Variants in GABRB3 observed in about 807,000 individuals in gnomAD.
The protein encoded by GABRB3 is gamma-aminobutyric acid receptor subunit beta-3.
In GABRB3, 14 loss-of-function variants were observed where a neutral mutation model predicts 52.1. The observed-to-expected ratio is 0.27, with a 90% CI of 0.18 to 0.42. The LOEUF is 0.42. Among genes scored for constraint, GABRB3 ranks in the 10% least tolerant of loss-of-function variants. The pLI, the probability that GABRB3 is intolerant of heterozygous loss-of-function variation, is 1.00. For synonymous variants in GABRB3, 260 were observed against 232.3 expected (o/e 1.12, Z -1.08); for missense variants, 307 against 609.1 (o/e 0.50, Z 5.22).
At chr15:26,586,708 G>A (rs11854083) in intron 4 of GABRB3, among the ~76,000 whole-genome samples, 8,867 of 110,786 alleles carry the variant, frequency 0.08, 976 homozygotes, top group African/African-American at 0.24. Context: ...AAAAAAAAGA[G>A]AGAGAGAGAA....
At chr15:26,663,701 A>G (rs1887618239) in intron 3 of GABRB3, among the ~76,000 whole-genome samples, 2 of 152,204 alleles carry the variant, frequency 1.3e-5, no homozygotes, top group Non-Finnish European at 2.9e-5. Context: ...GACCTTTTAT[A>G]TTTAAAATAG....
intron 3 of GABRB3, among the ~76,000 whole-genome samples, chr15:26,701,829 A>G (rs1272870922): frequency 6.6e-6 from 1 of 152,226 alleles, no homozygotes; most frequent in African/African-American, 2.4e-5. Flanking sequence ...TTATTTCAAG[A>G]GTTATTTTAA....
intron 3 of GABRB3, chr15:26,656,910 G>A (rs918934736): frequency 6.6e-6 from 1 of 152,208 alleles, no homozygotes; most frequent in Admixed American, 6.5e-5. Context: ...AGGAAATGAT[G>A]TTTCAAATAG....
intron 3 of GABRB3, among the ~76,000 whole-genome samples, chr15:26,626,609 G>A (rs1892705286): frequency 6.6e-6 from 1 of 152,200 alleles, no homozygotes; most frequent in African/African-American, 2.4e-5. Context: ...CCTTACTGCT[G>A]ATATTGATAG....
chr15:26,635,270 A>G (rs568053214), intron 3 of GABRB3, among the ~76,000 whole-genome samples: 2 of 151,878 alleles, frequency 1.3e-5, no homozygotes, highest in East Asian at 3.9e-4. Flanking sequence ...ACCCCTGGAG[A>G]CTGGCGAGTG....
intron 4 of GABRB3, among the ~76,000 whole-genome samples, chr15:26,595,961 C>T (rs1649911265): frequency 6.6e-6 from 1 of 152,128 alleles, no homozygotes; most frequent in African/African-American, 2.4e-5. Flanking sequence ...AGACATGGCC[C>T]CTGTTCGTAA....
intron 3 of GABRB3, among the ~76,000 whole-genome samples, chr15:26,660,162 G>A (rs1277328622): frequency 1.3e-5 from 2 of 151,842 alleles, no homozygotes; most frequent in East Asian, 3.9e-4. Context: ...CCCGGGAGGT[G>A]GAGGTTGCGG....
At chr15:26,644,820 G>T (rs1298203019) in intron 3 of GABRB3, among the ~76,000 whole-genome samples, 1 of 152,220 alleles carries the variant, frequency 6.6e-6, no homozygotes, top group Non-Finnish European at 1.5e-5. Flanking sequence ...CAAGTCCAAG[G>T]TGGGTCCACA....
chr15:26,731,138 G>T (rs1056175533), intron 3 of GABRB3, among the ~76,000 whole-genome samples: 2 of 151,648 alleles, frequency 1.3e-5, no homozygotes, highest in Non-Finnish European at 1.5e-5. Context: ...GATTATAATT[G>T]ACATTGATCT....
chr15:26,706,483 G>T, intron 3 of GABRB3, among the ~76,000 whole-genome samples: 1 of 149,248 alleles, frequency 6.7e-6, no homozygotes, highest in Non-Finnish European at 1.5e-5. Flanking sequence ...GTTATGCTTT[G>T]TTAATATATT....
At chr15:26,719,302 C>T (rs918638776) in intron 3 of GABRB3, among the ~76,000 whole-genome samples, 1 of 152,212 alleles carries the variant, frequency 6.6e-6, no homozygotes, top group Non-Finnish European at 1.5e-5. Context: ...CAGGACTCCG[C>T]ACACGCACTG....
At chr15:26,569,328 G>A (rs1250941347) in intron 6 of GABRB3, 4 of 152,230 alleles carry the variant, frequency 2.6e-5, no homozygotes, top group Non-Finnish European at 5.9e-5. Flanking sequence ...CTTCAAGGCT[G>A]ACAGTCTCAG....
intron 6 of GABRB3, among the ~76,000 whole-genome samples, chr15:26,576,744 G>T (rs1319981283): frequency 2.0e-5 from 3 of 152,150 alleles, no homozygotes; most frequent in African/African-American, 7.2e-5. Context: ...GGGGACTAAG[G>T]GGGCAGGCAC....
chr15:26,769,447 A>C (rs1352839599), intron 3 of GABRB3, among the ~76,000 whole-genome samples: 1 of 152,018 alleles, frequency 6.6e-6, no homozygotes, highest in Non-Finnish European at 1.5e-5. Flanking sequence ...CTGCTTTAAA[A>C]CCTTTACCAT....
At chr15:26,766,806 C>T (rs1474938271) in intron 3 of GABRB3, among the ~76,000 whole-genome samples, 1 of 151,496 alleles carries the variant, frequency 6.6e-6, no homozygotes, top group Non-Finnish European at 1.5e-5. Flanking sequence ...AAACTAAAGA[C>T]AACATACCAT....
intron 8 of GABRB3, 145 bp downstream of exon 8, chr15:26,560,787 G>T: frequency 8.1e-7 from 1 of 1,232,870 alleles, no homozygotes. Flanking sequence ...TGGGTGCCAT[G>T]TCATAAGGGC....
chr15:26,731,249 ACAT>A (rs1352900683), intron 3 of GABRB3, among the ~76,000 whole-genome samples: 1 of 152,214 alleles, frequency 6.6e-6, no homozygotes, highest in East Asian at 1.9e-4. Context: ...ACAAAAATAA[ACAT>A]CATGAAGAAA....
chr15:26,669,350 T>C (rs896452107), intron 3 of GABRB3, among the ~76,000 whole-genome samples: 4 of 152,202 alleles, frequency 2.6e-5, no homozygotes, highest in Non-Finnish European at 5.9e-5. Flanking sequence ...AAGCTGCATT[T>C]TCCTCATTTG....
Position 26,686,200 on chromosome 15 carries a change from C to T in GABRB3, c.241-64666G>A, listed in dbSNP as rs144781659. The stretch of plus-strand genomic sequence containing the variant: ...CCTCAAGGGATCTTCCTGCCTCCAC[C>T]TCTCAAGTTGCTGGGATTACAGGCG... On this transcript the variant is annotated intron_variant, in intron 3 of 8. Coordinates refer to ENST00000311550, the MANE Select transcript of GABRB3 (RefSeq NM_000814.6). Among the ~76,000 whole-genome samples, 670 of 152,282 alleles carry T rather than the reference C, an allele frequency of 4.4e-3. 8 individuals carry two copies. Among genetic ancestry groups the T allele is most frequent in the African/African-American group, 0.015 (642 of 41,554 alleles).
Sources: allele counts gnomAD v4.1 joint callset (sites outside exome capture counted in the v4.1 genomes callset), GRCh38; gene constraint gnomAD v4.1.1; transcripts MANE v1.5; gene names NCBI Gene and HGNC (gene_info 2026-07-23, HGNC 2026-07-21).